COMT: variants seen among roughly 807,000 people sequenced by gnomAD.
COMT encodes the protein catechol-O-methyltransferase, also known as catechol O-methyltransferase.
COMT carries 13 observed loss-of-function variants against 18.9 expected under a neutral mutation model. The observed-to-expected ratio is 0.69, with a 90% CI of 0.45 to 1.09. The LOEUF (loss-of-function observed/expected upper bound fraction) is 1.09, where lower values mean the gene tolerates loss of function less well. Among genes scored for constraint, COMT ranks in the 50% least tolerant of loss-of-function variants. The pLI, the probability that COMT is intolerant of heterozygous loss-of-function variation, is 0.00. For synonymous variants in COMT, 150 were observed against 160.9 expected (o/e 0.93, Z 0.51); for missense variants, 329 against 361.8 (o/e 0.91, Z 0.73).
intron 3 of COMT, chr22:19,963,209 C>A: frequency 2.1e-6 from 1 of 486,398 alleles, no homozygotes; most frequent in Non-Finnish European, 3.7e-6. Flanking sequence ...GGAACTAGTG[C>A]CGCCCCAGGG....
chr22:19,955,297 C>T (rs1942033954), intron 1 of COMT, among the ~76,000 whole-genome samples: 1 of 152,238 alleles, frequency 6.6e-6, no homozygotes, highest in Admixed American at 6.5e-5. Context: ...TGGGGTCTCC[C>T]AGGCTGGCCT....
chr22:19,950,261 T>TTTTTTTTTTTTTTTTTTTTTTTTTTTTG (rs763598655), intron 1 of COMT, among the ~76,000 whole-genome samples: 5 of 132,722 alleles, frequency 3.8e-5, no homozygotes, highest in Non-Finnish European at 6.6e-5. Flanking sequence ...TTTTTTTTTT[T>TTTTTTTTTTTTTTTTTTTTTTTTTTTTG]TTCTGTAGAG....
chr22:19,966,312 G>A (rs1180701972), intron 5 of COMT, among the ~76,000 whole-genome samples: 5 of 152,030 alleles, frequency 3.3e-5, no homozygotes, highest in Non-Finnish European at 7.4e-5. Context: ...AGGCACGAGG[G>A]GTGAGGGGCT....
intron 3 of COMT, chr22:19,963,229 G>A (rs1053778129): frequency 3.9e-6 from 2 of 506,442 alleles, no homozygotes; most frequent in African/African-American, 1.9e-5. Flanking sequence ...GCCCCAAGGT[G>A]GGCGGTTCGG....
chr22:19,958,255 C>G (rs1942108810), intron 1 of COMT, among the ~76,000 whole-genome samples: 1 of 150,806 alleles, frequency 6.6e-6, no homozygotes, highest in Non-Finnish European at 1.5e-5. Flanking sequence ...GCCTCAACCT[C>G]CTGGGCTCAG....
chr22:19,952,989 TAAATAAATAAATA>T (rs751811258), intron 1 of COMT, among the ~76,000 whole-genome samples: 972 of 54,796 alleles, frequency 0.018, 13 homozygotes, highest in African/African-American at 0.023. Context: ...AATAAATAAA[TAAATAAATAAATA>T]AATAAAATGA....
rs397758621 is a variant in COMT at position 19,968,739 on chromosome 22, G to GC, written c.*10dup. The GC allele has an allele frequency of 0.7, 1,118,206 of 1,594,670 alleles. 396,962 individuals are homozygous for GC. Among genetic ancestry groups the GC allele is most frequent in the Non-Finnish European group, 0.74 (861,372 of 1,169,536 alleles). On this transcript the variant is annotated 3_prime_UTR_variant, in exon 6 of 6. Coordinates refer to ENST00000361682, the MANE Select transcript of COMT (RefSeq NM_000754.4). The stretch of plus-strand genomic sequence containing the variant: ...CAGGCAGCGAAGCAGGGCCCTGACT[G>GC]CCCCCCCGGCCCCCCTCTCGGGCTC...
At chr22:19,944,764 A>G (rs1026555722) in intron 1 of COMT, among the ~76,000 whole-genome samples, 3 of 144,026 alleles carry the variant, frequency 2.1e-5, no homozygotes, top group African/African-American at 7.8e-5. Context: ...GGAGCTTGCA[A>G]TGAGCCGAGA....
chr22:19,968,854 G>A lies in COMT; in HGVS notation c.*118G>A, dbSNP rs1360537391. 6 of 947,730 alleles carry A rather than the reference G, an allele frequency of 6.3e-6. No homozygotes were observed. The highest frequency in any genetic ancestry group is 3.2e-5 in the African/African-American group (2 of 62,336). 58.7% of individuals were successfully genotyped at this position (947,730 alleles called of 1,614,324 possible). A position where few individuals can be genotyped will look rare whatever the true frequency, so the allele number is the denominator to read the frequency against. ...GTGTCCTAAATGCAAAGCACACCTCGGCCGAGGCCTGCGCCCTGACATGCT... is the reference window on the plus strand; with the variant it reads ...GTGTCCTAAATGCAAAGCACACCTCAGCCGAGGCCTGCGCCCTGACATGCT... On this transcript the variant is annotated 3_prime_UTR_variant, in exon 6 of 6. Coordinates refer to ENST00000361682, the MANE Select transcript of COMT (RefSeq NM_000754.4).
At chr22:19,952,509 G>A (rs1051941409) in intron 1 of COMT, among the ~76,000 whole-genome samples, 2 of 151,780 alleles carry the variant, frequency 1.3e-5, no homozygotes, top group Admixed American at 6.6e-5. Flanking sequence ...GCGTGGTGGC[G>A]GGCGCCTGTA....
intron 3 of COMT, 66 bp from the exon 4 acceptor site, chr22:19,963,500 C>T: frequency 1.3e-6 from 2 of 1,565,680 alleles, no homozygotes; most frequent in Non-Finnish European, 8.7e-7. Context: ...GGGGGCCGTG[C>T]CTGGGGATCC....
chr22:19,968,848 C>A lies in COMT; in HGVS notation c.*112C>A. On this transcript the variant is annotated 3_prime_UTR_variant, in exon 6 of 6. Transcript: ENST00000361682. ...CGGGCTGTGTCCTAAATGCAAAGCA[C>A]ACCTCGGCCGAGGCCTGCGCCCTGA... 9.7e-7 allele frequency: 1 copy of A among 1,031,798 alleles called. No homozygotes were observed. Among genetic ancestry groups the A allele is most frequent in the Non-Finnish European group, 1.5e-6 (1 of 688,514 alleles). The allele number at this position is 1,031,798 out of a possible 1,614,324, so 63.9% of individuals were successfully genotyped here. A position where few individuals can be genotyped will look rare whatever the true frequency, so the allele number is the denominator to read the frequency against.
chr22:19,952,958 AAATAAATAAAT>A, intron 1 of COMT, among the ~76,000 whole-genome samples: 1 of 948 alleles, frequency 1.1e-3, no homozygotes, highest in Non-Finnish European at 2.3e-3. Flanking sequence ...CTCAAAAAAT[AAATAAATAAAT>A]AAATAAATAA....
At chr22:19,959,052 C>T (rs1187988611) in intron 1 of COMT, among the ~76,000 whole-genome samples, 1 of 152,170 alleles carries the variant, frequency 6.6e-6, no homozygotes, top group Non-Finnish European at 1.5e-5. Context: ...CTCCCCAGAC[C>T]ACACAGCCAA....
intron 1 of COMT, among the ~76,000 whole-genome samples, chr22:19,946,891 TA>T (rs1010232812): frequency 1.3e-4 from 20 of 149,150 alleles, no homozygotes; most frequent in African/African-American, 3.2e-4. Flanking sequence ...TAAATAGCAT[TA>T]AAAAAAATTT....
chr22:19,966,368 C>T (rs904809609), intron 5 of COMT, among the ~76,000 whole-genome samples: 1 of 151,294 alleles, frequency 6.6e-6, no homozygotes, highest in Non-Finnish European at 1.5e-5. Flanking sequence ...TTGAGGAGGC[C>T]TCTCCACCGG....
chr22:19,967,382 A>G (rs999383443), intron 5 of COMT: 6 of 475,920 alleles, frequency 1.3e-5, no homozygotes, highest in East Asian at 7.1e-5. Flanking sequence ...TTCAGCTGAC[A>G]TTGCTAGGAC....
intron 5 of COMT, chr22:19,966,948 T>C (rs1942432810): frequency 1.0e-6 from 1 of 985,436 alleles, no homozygotes; most frequent in Non-Finnish European, 1.2e-6. Context: ...CATTAGATTT[T>C]CAGTCCTGCT....
intron 3 of COMT, 109 bp downstream of exon 3, chr22:19,962,924 C>T: frequency 7.2e-7 from 1 of 1,392,216 alleles, no homozygotes; most frequent in South Asian, 1.4e-5. Flanking sequence ...GGGCTGGGAA[C>T]CCTGGGATAT....
Sources: allele counts gnomAD v4.1 joint callset (sites outside exome capture counted in the v4.1 genomes callset), GRCh38; gene constraint gnomAD v4.1.1; transcripts MANE v1.5; gene names NCBI Gene and HGNC (gene_info 2026-07-23, HGNC 2026-07-21).